Variants in ZC3HC1 observed in about 807,000 individuals in gnomAD.
The protein encoded by ZC3HC1 is zinc finger C3HC-type containing 1, also known as zinc finger C3HC-type protein 1.
ZC3HC1 carries 38 observed loss-of-function variants against 61.9 expected under a neutral mutation model. The observed-to-expected ratio is 0.61, with a 90% CI of 0.47 to 0.81. The LOEUF is 0.81. Among genes scored for constraint, ZC3HC1 ranks in the 30% least tolerant of loss-of-function variants. The pLI is 0.00. For missense variants in ZC3HC1, 554 were observed against 622.7 expected, an observed-to-expected ratio of 0.89 and a Z score of 1.17; for synonymous variants, 213 against 229.9, an observed-to-expected ratio of 0.93 and a Z score of 0.67.
At chr7:130,051,425 G>C (rs1181149046), upstream of ZC3HC1, 1 of 1,604,916 alleles carries the variant, frequency 6.2e-7, no homozygotes, top group Non-Finnish European at 8.5e-7. Context: ...CTTCCGTCCT[G>C]GGAGGTTAAT....
intron 6 of ZC3HC1, among the ~76,000 whole-genome samples, chr7:130,025,552 A>G (rs190448086): frequency 3.3e-5 from 5 of 152,068 alleles, no homozygotes; most frequent in Admixed American, 6.5e-5. Context: ...TTCCATTTTT[A>G]GAAAGGAGGT....
intron 1 of ZC3HC1, chr7:130,050,464 T>C (rs879287248): frequency 2.3e-5 from 35 of 1,524,688 alleles, no homozygotes; most frequent in Non-Finnish European, 2.9e-5. Context: ...CAGAGATTCA[T>C]AGAGAGCCTC....
At chr7:130,039,920 A>C (rs916153338) in intron 3 of ZC3HC1, among the ~76,000 whole-genome samples, 18 of 151,284 alleles carry the variant, frequency 1.2e-4, no homozygotes, top group African/African-American at 4.4e-4. Context: ...GGGTTTCACC[A>C]TGTTAGTCAG....
intron 3 of ZC3HC1, among the ~76,000 whole-genome samples, chr7:130,040,692 C>G (rs1044176953): frequency 5.3e-5 from 8 of 150,990 alleles, no homozygotes; most frequent in African/African-American, 1.9e-4. Flanking sequence ...GCCTGTAGTC[C>G]CAGCTACTTG....
At chr7:130,020,225 T>A (rs1423301431) in intron 9 of ZC3HC1, among the ~76,000 whole-genome samples, 1 of 151,796 alleles carries the variant, frequency 6.6e-6, no homozygotes, top group Non-Finnish European at 1.5e-5. Flanking sequence ...GTTAATAGAG[T>A]GACAAAGTTG....
chr7:130,046,107 T>C (rs549368495), intron 2 of ZC3HC1, among the ~76,000 whole-genome samples: 17 of 151,984 alleles, frequency 1.1e-4, no homozygotes, highest in African/African-American at 4.1e-4. Flanking sequence ...TGAGAACACA[T>C]GGACACATGA....
intron 4 of ZC3HC1, chr7:130,036,561 CA>C (rs1391006827): frequency 6.6e-6 from 1 of 150,724 alleles, no homozygotes; most frequent in Admixed American, 6.6e-5. Context: ...GACTCCATCT[CA>C]AAATAAAAAA....
chr7:130,032,668 TGGAAGGAAGGAAGGAAGGAA>T (rs374532483), intron 4 of ZC3HC1, among the ~76,000 whole-genome samples: 13 of 58,060 alleles, frequency 2.2e-4, no homozygotes, highest in South Asian at 1.0e-3. Context: ...ATAGAAGAAA[TGGAAGGAAGGAAGGAAGGAA>T]GGAAGGAAGG....
chr7:130,048,977 G>A (rs1402627470), intron 2 of ZC3HC1, 56 bp downstream of exon 2: 10 of 1,388,494 alleles, frequency 7.2e-6, no homozygotes, highest in Non-Finnish European at 9.9e-6. Context: ...GTAATACCTT[G>A]GAGGAATTCT....
At chr7:130,047,638 TACACACACACACACACAC>T (rs34052360) in intron 2 of ZC3HC1, among the ~76,000 whole-genome samples, 5 of 138,136 alleles carry the variant, frequency 3.6e-5, no homozygotes, top group African/African-American at 1.4e-4. Context: ...AGACTTTGTC[TACACACACACACACACAC>T]ACACACACAC....
chr7:130,031,887 T>C (rs1263245820), intron 4 of ZC3HC1, among the ~76,000 whole-genome samples: 1 of 152,184 alleles, frequency 6.6e-6, no homozygotes, highest in Non-Finnish European at 1.5e-5. Flanking sequence ...GGGGGACTTA[T>C]TTGTTCAGGC....
intron 4 of ZC3HC1, among the ~76,000 whole-genome samples, chr7:130,030,905 T>C (rs1473096758): frequency 6.6e-6 from 1 of 150,992 alleles, no homozygotes; most frequent in Non-Finnish European, 1.5e-5. Context: ...CCTGACCTCA[T>C]GATCCGCCTG....
chr7:130,022,220 A>G (rs1793674910), intron 9 of ZC3HC1, 99 bp downstream of exon 9: 1 of 1,457,488 alleles, frequency 6.9e-7, no homozygotes. Flanking sequence ...GACGTATGAA[A>G]GCTGAAGGCA....
At chr7:130,048,997 C>G in intron 2 of ZC3HC1, 36 bp downstream of exon 2, 2 of 1,511,496 alleles carry the variant, frequency 1.3e-6, no homozygotes, top group Non-Finnish European at 1.8e-6. Context: ...TAGAAGCAGG[C>G]AGAAAGTGCA....
intron 6 of ZC3HC1, among the ~76,000 whole-genome samples, chr7:130,025,404 A>G (rs755285529): frequency 6.6e-6 from 1 of 151,596 alleles, no homozygotes; most frequent in Non-Finnish European, 1.5e-5. Flanking sequence ...AAATAGCAAC[A>G]TGGGGGCCTA....
chr7:130,021,185 C>T (rs896114884), intron 9 of ZC3HC1, among the ~76,000 whole-genome samples: 49 of 152,064 alleles, frequency 3.2e-4, no homozygotes, highest in African/African-American at 9.4e-4. Context: ...GGATTACAGG[C>T]GTGAGCCACC....
rs1320713622 is a variant in ZC3HC1, at chr7:130,051,245, G to A, written c.122C>T (p.Ala41Val). Residue 41 changes from alanine to valine, a missense_variant, in exon 1 of 10, where the codon GCC (alanine) becomes GTC (valine). Ala to Val is a moderately conservative substitution (Grantham distance 64). Transcript: ENST00000358303. ...KIRQLIDEGI[A>V]PEEGGVDAKD... ...CGCGTCCACGCCTCCCTCTTCCGGG[G>A]CAATCCCCTCATCTATCAGCTGCCG... The A allele has an allele frequency of 3.1e-6, 5 of 1,610,500 alleles. No homozygotes were observed. Among genetic ancestry groups the A allele is most frequent in the East Asian group, 4.5e-5 (2 of 44,526 alleles).
At chr7:130,027,623 T>A (rs952285821) in intron 5 of ZC3HC1, among the ~76,000 whole-genome samples, 1 of 152,032 alleles carries the variant, frequency 6.6e-6, no homozygotes, top group Non-Finnish European at 1.5e-5. Flanking sequence ...GTTCAAGCAA[T>A]TCTCCTGCCT....
chr7:130,028,950 G>A lies in ZC3HC1; in HGVS notation c.573C>T (p.His191=). The A allele has an allele frequency of 6.2e-7, 1 of 1,613,912 alleles. No homozygotes were observed. The highest frequency in any genetic ancestry group is 8.5e-7 in the Non-Finnish European group (1 of 1,179,866). Residue 191 remains histidine (H), a synonymous_variant, in exon 5 of 10, where the codon CAC becomes CAT. Transcript: ENST00000358303. ...TTAGGGAAGGAAGCTGGAGGTCCAA[G>A]TGACAAAGGCTTTGAAAACGATCTA... ...EFLDRFQSLC[H]LDLQLPSLRP...
Sources: gnomAD v4.1 joint callset for allele counts (sites outside exome capture counted in the v4.1 genomes callset) on GRCh38, gnomAD v4.1.1 for gene constraint, MANE v1.5 for transcripts, NCBI Gene and HGNC (gene_info 2026-07-23, HGNC 2026-07-21) for gene names.